The following POT1 variants were observed in gnomAD, a reference collection of about 807,000 sequenced individuals.
POT1 encodes protection of telomeres 1.
A neutral mutation model predicts 78.5 loss-of-function variants in POT1; 47 were observed. The ratio of observed to expected loss-of-function variants is 0.60; its 90% confidence interval spans 0.47 to 0.76. The LOEUF (loss-of-function observed/expected upper bound fraction) is 0.76. POT1 is among the 30% of genes least tolerant of loss of function. The pLI, the probability that POT1 is intolerant of heterozygous loss-of-function variation, is 0.00. For missense variants in POT1, 646 were observed against 749.9 expected (o/e 0.86, Z 1.62); for synonymous variants, 259 against 260.7 (o/e 0.99, Z 0.06).
At chr7:124,841,753 T>C (rs1055909037) in intron 13 of POT1, among the ~76,000 whole-genome samples, 3 of 152,118 alleles carry the variant, frequency 2.0e-5, no homozygotes, top group Admixed American at 6.5e-5. Flanking sequence ...ACAGTTTCCG[T>C]TAATTTCTGA....
At chr7:124,830,133 T>TATGG (rs1278108034) in intron 15 of POT1, among the ~76,000 whole-genome samples, 3 of 152,222 alleles carry the variant, frequency 2.0e-5, no homozygotes, top group Admixed American at 1.3e-4. Context: ...GTTTGTAGTT[T>TATGG]ATGATGCCTA....
chr7:124,892,155 T>C, intron 6 of POT1, 111 bp downstream of exon 6: 1 of 625,936 alleles, frequency 1.6e-6, no homozygotes, highest in Non-Finnish European at 2.8e-6. Flanking sequence ...GTTTGGCAAT[T>C]ATAGGTCAGA....
rs914605546 is a variant in POT1, at chr7:124,858,758, A to T, written c.702+199T>A. 1.1e-5 allele frequency: 4 copies of T among 367,594 alleles called. No individual in the cohort carries two copies. In the Admixed American group the frequency reaches 1.8e-4, roughly 16 times the overall value. 22.8% of individuals were successfully genotyped at this position (367,594 alleles called of 1,614,324 possible). ...TAAGACATTTAAGAAAGATTATTTT[A>T]AAAATTGCTCTAACCCATTAAGTTT... is the stretch of plus-strand genomic sequence containing the variant. On this transcript the variant is annotated intron_variant, in intron 9 of 18. Coordinates refer to ENST00000357628, the MANE Select transcript of POT1 (RefSeq NM_015450.3).
At chr7:124,911,423 C>T (rs1047178708) in intron 3 of POT1, among the ~76,000 whole-genome samples, 5 of 152,022 alleles carry the variant, frequency 3.3e-5, no homozygotes, top group Admixed American at 2.6e-4. Context: ...ATATTTGTCT[C>T]TAGAATTTTT....
intron 2 of POT1, among the ~76,000 whole-genome samples, chr7:124,919,674 G>GGT (rs1797100678): frequency 1.3e-5 from 2 of 152,248 alleles, no homozygotes; most frequent in East Asian, 3.9e-4. Flanking sequence ...TGCAAGCCAA[G>GGT]GAGAGAGACC....
chr7:124,899,409 T>C (rs1056387254), intron 3 of POT1, among the ~76,000 whole-genome samples: 1 of 152,170 alleles, frequency 6.6e-6, no homozygotes, highest in Non-Finnish European at 1.5e-5. Flanking sequence ...GAGTGTATGC[T>C]GATAATGCCA....
intron 8 of POT1, among the ~76,000 whole-genome samples, chr7:124,860,953 T>A (rs1000730042): frequency 4.6e-5 from 7 of 152,094 alleles, no homozygotes; most frequent in Non-Finnish European, 7.4e-5. Context: ...TTTCTTTGGC[T>A]GCATAGTATT....
chr7:124,846,315 A>G (rs78413400), intron 12 of POT1, among the ~76,000 whole-genome samples: 1 of 152,170 alleles, frequency 6.6e-6, no homozygotes, highest in Non-Finnish European at 1.5e-5. Context: ...ACACAACATT[A>G]AAAGATTTCA....
At chr7:124,927,823 C>G (rs1288744757) in intron 2 of POT1, among the ~76,000 whole-genome samples, 1 of 152,108 alleles carries the variant, frequency 6.6e-6, no homozygotes, top group East Asian at 1.9e-4. Context: ...TCCTTGTTGG[C>G]TAGGAATTAG....
intron 14 of POT1, among the ~76,000 whole-genome samples, chr7:124,838,289 T>C (rs766027922): frequency 6.6e-6 from 1 of 151,578 alleles, no homozygotes; most frequent in African/African-American, 2.4e-5. Flanking sequence ...ATTCCTGAAA[T>C]AACAAGCAAT....
rs528367900 is a variant in POT1 at position 124,897,980 on chromosome 7, G to A, written c.-40+281C>T. Among the ~76,000 whole-genome samples, 8 of 151,904 alleles carry A rather than the reference G, an allele frequency of 5.3e-5. No individual in the cohort carries two copies. The South Asian group carries it at 1.0e-3, about 20-fold the overall frequency. On this transcript the variant is annotated intron_variant, in intron 4 of 18. Transcript: ENST00000357628. The stretch of plus-strand genomic sequence containing the variant: ...AATCAAGTAGAACAAAGTGCCTGAT[G>A]GCATAATCACAAAGAATATCCAGTC...
chr7:124,836,281 T>G (rs1794898592), intron 14 of POT1, among the ~76,000 whole-genome samples: 1 of 152,204 alleles, frequency 6.6e-6, no homozygotes, highest in Non-Finnish European at 1.5e-5. Context: ...GGCTGAATTT[T>G]GGCAAGAACG....
chr7:124,829,196 G>T, intron 16 of POT1, 58 bp downstream of exon 16: 1 of 1,155,500 alleles, frequency 8.7e-7, no homozygotes, highest in Non-Finnish European at 1.3e-6. Context: ...AATATAAGTA[G>T]GTGAAATAAC....
Position 124,840,955 on chromosome 7 carries a change from G to C in POT1, c.1369+18C>G, listed in dbSNP as rs1245434311. ...GCAAAAGGAGTATTCTAACAAAACA[G>C]TGACTTAAATATCTTACCTTCTATC... On this transcript the variant is annotated intron_variant, in intron 14 of 18. Transcript: ENST00000357628. 1 of 1,556,302 alleles carries C rather than the reference G, an allele frequency of 6.4e-7. No individual in the cohort carries two copies. The highest frequency in any genetic ancestry group is 8.8e-7 in the Non-Finnish European group (1 of 1,131,666).
Position 124,841,156 on chromosome 7 carries a change from C to T in POT1, c.1186G>A (p.Asp396Asn), listed in dbSNP as rs148956533. 28 of 1,611,936 alleles carry T rather than the reference C, an allele frequency of 1.7e-5. No homozygotes were observed. The highest frequency in any genetic ancestry group is 5.0e-5 in the Admixed American group (3 of 59,916). The change falls in exon 14 of 19, where the codon GAT becomes AAT. Residue 396 changes from aspartate (D) to asparagine (N), a missense_variant. Asp to Asn is a conservative substitution (Grantham distance 23). This residue lies in a region of POT1 where 394 missense variants were observed against 408.4 expected (regional missense o/e 0.96). Coordinates refer to ENST00000357628, the MANE Select transcript of POT1 (RefSeq NM_015450.3). Reference protein sequence around the residue: ...HLLQEVPHEGDLDIIFQDGAT... With the variant: ...HLLQEVPHEGNLDIIFQDGAT... ...CCATCCTGAAAAATTATATCCAAATCGCCCTCATGTGGAACTTCTTGCCTA... is the reference window on the plus strand; with the variant it reads ...CCATCCTGAAAAATTATATCCAAATTGCCCTCATGTGGAACTTCTTGCCTA...
chr7:124,900,199 C>T (rs547029348), intron 3 of POT1, among the ~76,000 whole-genome samples: 1 of 152,208 alleles, frequency 6.6e-6, no homozygotes, highest in South Asian at 2.1e-4. Flanking sequence ...TTTCCACATA[C>T]TTCCCATTCA....
intron 7 of POT1, among the ~76,000 whole-genome samples, chr7:124,870,630 T>C (rs1004655329): frequency 1.3e-5 from 2 of 152,164 alleles, no homozygotes; most frequent in African/African-American, 2.4e-5. Context: ...AAAACTTCTA[T>C]AGCATTAGTC....
chr7:124,922,500 G>A (rs1000234076), intron 2 of POT1, among the ~76,000 whole-genome samples: 5 of 151,868 alleles, frequency 3.3e-5, no homozygotes, highest in African/African-American at 1.2e-4. Flanking sequence ...ACTATTATAA[G>A]ATTCTTATAT....
At chr7:124,894,212 A>C (rs1485709306) in intron 5 of POT1, among the ~76,000 whole-genome samples, 1 of 151,554 alleles carries the variant, frequency 6.6e-6, no homozygotes, top group African/African-American at 2.4e-5. Flanking sequence ...ACAAGAGTAG[A>C]ATTTGCTAAT....
Sources: allele counts gnomAD v4.1 joint callset (sites outside exome capture counted in the v4.1 genomes callset), GRCh38; gene constraint gnomAD v4.1.1; regional missense constraint gnomAD v4.1.1; transcripts MANE v1.5; gene names NCBI Gene and HGNC (gene_info 2026-07-23, HGNC 2026-07-21).